BMPR1B: variants seen among roughly 807,000 people sequenced by gnomAD.
BMPR1B encodes bone morphogenetic protein receptor type-1B.
In BMPR1B, 12 loss-of-function variants were observed where a neutral mutation model predicts 59.1. That is an observed-to-expected ratio of 0.20 (90% confidence interval 0.13 to 0.33). The LOEUF (loss-of-function observed/expected upper bound fraction) is 0.33, where lower values mean the gene tolerates loss of function less well. Among genes scored for constraint, BMPR1B ranks in the 10% least tolerant of loss-of-function variants. The pLI is 1.00. For synonymous variants in BMPR1B, 237 were observed against 207.3 expected (o/e 1.14, Z -1.23); for missense variants, 550 against 610.9 (o/e 0.90, Z 1.05).
intron 2 of BMPR1B, among the ~76,000 whole-genome samples, chr4:94,907,827 T>G (rs1450356766): frequency 1.3e-5 from 2 of 151,766 alleles, no homozygotes; most frequent in Non-Finnish European, 2.9e-5. Flanking sequence ...TTAATACTCC[T>G]TTTTCTATCT....
At chr4:94,934,907 G>T (rs1294688818) in intron 2 of BMPR1B, among the ~76,000 whole-genome samples, 2 of 151,692 alleles carry the variant, frequency 1.3e-5, no homozygotes, top group African/African-American at 4.8e-5. Context: ...TGAATATGCT[G>T]CTCACCTCCA....
chr4:95,130,171 C>G (rs1370269826), intron 9 of BMPR1B, 117 bp downstream of exon 9: 2 of 1,253,248 alleles, frequency 1.6e-6, no homozygotes, highest in Admixed American at 3.9e-5. Context: ...TTGAAGTTTT[C>G]TTCTTGGCAT....
At chr4:94,773,932 T>C (rs528640168) in intron 1 of BMPR1B, among the ~76,000 whole-genome samples, 2 of 152,204 alleles carry the variant, frequency 1.3e-5, no homozygotes, top group Non-Finnish European at 2.9e-5. Context: ...TCCTAAAATA[T>C]TATGTAGTCA....
chr4:95,088,715 A>G (rs897689811), intron 3 of BMPR1B, among the ~76,000 whole-genome samples: 1 of 152,110 alleles, frequency 6.6e-6, no homozygotes, highest in South Asian at 2.1e-4. Context: ...AAAAACTTCA[A>G]TTGTTAACTA....
rs571075926 is a variant in BMPR1B, at chr4:94,980,138, G to A, written c.-112-15902G>A. 2.6e-5 allele frequency among the ~76,000 whole-genome samples: 4 copies of A among 152,296 alleles called. No individual in the cohort carries two copies. The East Asian group carries it at 7.7e-4, about 29-fold the overall frequency. ...CCAGAATAAGTCATCACAGTTCACT[G>A]CAATTATTACTGTACCTAAGAAAGC... On this transcript the variant is annotated intron_variant, in intron 2 of 12. Transcript: ENST00000515059.
chr4:94,779,355 A>T (rs1722504307), intron 1 of BMPR1B, among the ~76,000 whole-genome samples: 1 of 152,098 alleles, frequency 6.6e-6, no homozygotes, highest in Non-Finnish European at 1.5e-5. Flanking sequence ...TGAGCTTTTA[A>T]ATTTTGCTCC....
intron 1 of BMPR1B, among the ~76,000 whole-genome samples, chr4:94,766,407 C>CTTTTTTTTTTTTTTTTTTTATTTT: frequency 7.5e-6 from 1 of 133,174 alleles, no homozygotes; most frequent in Non-Finnish European, 1.6e-5. Context: ...CGGCTCCTGT[C>CTTTTTTTTTTTTTTTTTTTATTTT]TTTTTTTTTT....
intron 1 of BMPR1B, among the ~76,000 whole-genome samples, chr4:94,847,268 C>CA (rs551285663): frequency 6.6e-6 from 1 of 151,988 alleles, no homozygotes; most frequent in Non-Finnish European, 1.5e-5. Flanking sequence ...GGCTTTTATC[C>CA]AAAAAACAGG....
chr4:94,963,484 T>G (rs1730446320), intron 2 of BMPR1B, among the ~76,000 whole-genome samples: 1 of 152,160 alleles, frequency 6.6e-6, no homozygotes, highest in Non-Finnish European at 1.5e-5. Flanking sequence ...AGGTCTTACA[T>G]TTAAGTTTTT....
At chr4:94,973,424 A>G (rs12509564) in intron 2 of BMPR1B, among the ~76,000 whole-genome samples, 75,502 of 151,964 alleles carry the variant, frequency 0.5, 19,106 homozygotes, top group South Asian at 0.63. Context: ...GAGAAGCTGA[A>G]AAGGGCACAG....
intron 1 of BMPR1B, among the ~76,000 whole-genome samples, chr4:94,850,685 C>T (rs1020412705): frequency 8.5e-5 from 13 of 152,132 alleles, no homozygotes; most frequent in African/African-American, 2.9e-4. Flanking sequence ...TAACCCCTGC[C>T]TCAGTGGTAC....
At chr4:94,770,180 G>GGTTTTTTTTTTTTTTTTTTTTTT (rs771544268) in intron 1 of BMPR1B, among the ~76,000 whole-genome samples, 9 of 106,252 alleles carry the variant, frequency 8.5e-5, no homozygotes, top group African/African-American at 2.5e-4. Context: ...CTTCGTTTCT[G>GGTTTTTTTTTTTTTTTTTTTTTT]TGTTTGTTTT....
At chr4:94,830,380 GATAA>G (rs1233291365) in intron 1 of BMPR1B, among the ~76,000 whole-genome samples, 6 of 151,992 alleles carry the variant, frequency 3.9e-5, no homozygotes, top group Admixed American at 2.0e-4. Context: ...AATTCTGTTA[GATAA>G]ATAAGTGATT....
At chr4:94,945,315 G>A (rs1729666952) in intron 2 of BMPR1B, among the ~76,000 whole-genome samples, 1 of 152,116 alleles carries the variant, frequency 6.6e-6, no homozygotes, top group African/African-American at 2.4e-5. Context: ...GTCCTTGAAG[G>A]TAAAAAATAA....
At chr4:95,004,041 A>T (rs1722648690) in intron 3 of BMPR1B, among the ~76,000 whole-genome samples, 1 of 151,842 alleles carries the variant, frequency 6.6e-6, no homozygotes, top group Non-Finnish European at 1.5e-5. Context: ...CTCAATATTT[A>T]TATACTAATT....
At chr4:95,051,484 C>T (rs1039313900) in intron 3 of BMPR1B, among the ~76,000 whole-genome samples, 8 of 152,094 alleles carry the variant, frequency 5.3e-5, no homozygotes, top group African/African-American at 1.9e-4. Flanking sequence ...CCTCACCGCC[C>T]TTTGTTGTCC....
At chr4:94,860,869 C>T (rs1725951629) in intron 1 of BMPR1B, among the ~76,000 whole-genome samples, 1 of 149,914 alleles carries the variant, frequency 6.7e-6, no homozygotes. Context: ...AGATCCCATC[C>T]CATTCCATTT....
intron 1 of BMPR1B, among the ~76,000 whole-genome samples, chr4:94,780,148 A>G (rs904993194): frequency 2.6e-5 from 4 of 152,126 alleles, no homozygotes; most frequent in Admixed American, 1.3e-4. Context: ...CATTAATGAG[A>G]TTAGCTTTTT....
At chr4:94,877,195 A>T (rs1422007905) in intron 2 of BMPR1B, among the ~76,000 whole-genome samples, 1 of 152,124 alleles carries the variant, frequency 6.6e-6, no homozygotes, top group Non-Finnish European at 1.5e-5. Flanking sequence ...ATGGAGAGAG[A>T]TGGTTGGGGA....
Sources: gnomAD v4.1 joint callset for allele counts (sites outside exome capture counted in the v4.1 genomes callset) on GRCh38, gnomAD v4.1.1 for gene constraint, MANE v1.5 for transcripts, NCBI Gene and HGNC (gene_info 2026-07-23, HGNC 2026-07-21) for gene names.